ANKS1B: variants seen among roughly 807,000 people sequenced by gnomAD.
ANKS1B encodes ankyrin repeat and sterile alpha motif domain-containing protein 1B.
Under a neutral mutation model 148.3 loss-of-function variants are expected in ANKS1B, and 36 were observed. The observed-to-expected ratio is 0.24, with a 90% confidence interval of 0.19 to 0.32. The LOEUF is 0.32. ANKS1B is among the 10% of genes least tolerant of loss of function. The probability of loss-of-function intolerance (pLI) is 1.00; values close to 1 mark genes in which losing one functional copy is unlikely to be tolerated. For missense variants in ANKS1B, 1,157 were observed against 1,542.6 expected (o/e 0.75, Z 4.19); for synonymous variants, 542 against 560.8 (o/e 0.97, Z 0.47).
chr12:99,779,335 T>C (rs550416674), intron 6 of ANKS1B, among the ~76,000 whole-genome samples: 1 of 152,348 alleles, frequency 6.6e-6, no homozygotes, highest in South Asian at 2.1e-4. Context: ...CTAAATACAA[T>C]TTTTGTTATT....
intron 12 of ANKS1B, among the ~76,000 whole-genome samples, chr12:99,367,012 C>T (rs1328796730): frequency 6.6e-6 from 1 of 152,134 alleles, no homozygotes; most frequent in Non-Finnish European, 1.5e-5. Context: ...GTTATGGGGG[C>T]TGTTTTCTGC....
chr12:99,553,902 G>A (rs1453938526), intron 9 of ANKS1B, among the ~76,000 whole-genome samples: 1 of 152,156 alleles, frequency 6.6e-6, no homozygotes, highest in African/African-American at 2.4e-5. Context: ...CTGGTTCAAG[G>A]TTGAACAAAT....
At chr12:98,812,085 G>T (rs1331444835) in intron 19 of ANKS1B, among the ~76,000 whole-genome samples, 1 of 152,120 alleles carries the variant, frequency 6.6e-6, no homozygotes, top group Non-Finnish European at 1.5e-5. Flanking sequence ...TATAAGCTAT[G>T]TTGTAAATTT....
Position 99,837,147 on chromosome 12 carries a change from A to G in ANKS1B, c.135-11758T>C, listed in dbSNP as rs558171332. Among the ~76,000 whole-genome samples the G allele has an allele frequency of 5.9e-5, 9 of 152,300 alleles. No homozygotes were observed. In the South Asian group the frequency reaches 1.7e-3, roughly 28 times the overall value. ...CACAGTCAAAAAGACTCAACTGGCC[A>G]TTGTTGGCTCTAAAGATGGAAGAGG... On this transcript the variant is annotated intron_variant, in intron 1 of 26. Coordinates refer to ENST00000683438, the MANE Select transcript of ANKS1B (RefSeq NM_001352186.2).
At chr12:99,712,836 G>A (rs1227285216) in intron 8 of ANKS1B, among the ~76,000 whole-genome samples, 2 of 152,186 alleles carry the variant, frequency 1.3e-5, no homozygotes, top group Admixed American at 6.5e-5. Flanking sequence ...TCAAAACCCA[G>A]GAATAATCCT....
chr12:99,715,325 T>C (rs2057169302), intron 8 of ANKS1B, among the ~76,000 whole-genome samples: 1 of 152,072 alleles, frequency 6.6e-6, no homozygotes, highest in South Asian at 2.1e-4. Context: ...CTGATGACAT[T>C]GTCTTGTGAA....
At chr12:99,857,316 G>C (rs2089307230) in intron 1 of ANKS1B, among the ~76,000 whole-genome samples, 3 of 151,970 alleles carry the variant, frequency 2.0e-5, no homozygotes, top group Admixed American at 2.0e-4. Flanking sequence ...AAATATTTAG[G>C]AATATATCTA....
intron 17 of ANKS1B, among the ~76,000 whole-genome samples, chr12:98,840,771 C>G (rs1435260138): frequency 2.0e-5 from 3 of 152,132 alleles, no homozygotes; most frequent in African/African-American, 7.2e-5. Context: ...ACACACAAAA[C>G]AAAACAATAA....
rs370857411 is a variant in ANKS1B, at chr12:99,773,018, C to T, written c.1032G>A (p.Ser344=). ...ATATTGTGTGGCACAAGTCTTCAAA[C>T]GAATAATCCTTTTCTTGACAGAGTT... ...EIKLCQEKDY[S]FEDLCHTISD... The change falls in exon 8 of 27, where the codon TCG becomes TCA. Residue 344 remains serine (S), a synonymous_variant. Transcript: ENST00000683438. The T allele has an allele frequency of 5.0e-5, 81 of 1,610,828 alleles. 1 individual carries two copies. The highest frequency in any genetic ancestry group is 1.7e-4 in the Middle Eastern group (1 of 6,044).
At chr12:99,209,930 G>C (rs1011519603) in intron 14 of ANKS1B, among the ~76,000 whole-genome samples, 2 of 151,966 alleles carry the variant, frequency 1.3e-5, no homozygotes, top group Non-Finnish European at 2.9e-5. Flanking sequence ...CCTCTGACCA[G>C]AGACATTCCA....
Position 99,875,092 on chromosome 12 carries a change from T to C in ANKS1B, c.135-49703A>G, listed in dbSNP as rs142338605. Among the ~76,000 whole-genome samples the C allele has an allele frequency of 1.2e-3, 177 of 152,230 alleles. 1 individual carries two copies. Among genetic ancestry groups the C allele is most frequent in the African/African-American group, 3.7e-3 (153 of 41,548 alleles). On this transcript the variant is annotated intron_variant, in intron 1 of 26. Transcript: ENST00000683438. ...GGAAGAATAAAGTTGCTGCATGAAG[T>C]TGCTACCTAAAGAGACTATTTTAAA... is the stretch of plus-strand genomic sequence containing the variant.
chr12:98,982,715 T>A (rs1034726252), intron 17 of ANKS1B, among the ~76,000 whole-genome samples: 2 of 152,246 alleles, frequency 1.3e-5, no homozygotes, highest in Non-Finnish European at 2.9e-5. Flanking sequence ...ATTCATATCA[T>A]TGTAATCATA....
At position 98,751,605 on chromosome 12, in the gene ANKS1B, T is replaced by C; in HGVS notation, c.3580-83A>G. On this transcript the variant is annotated intron_variant, in intron 25 of 26. Coordinates refer to ENST00000683438, the MANE Select transcript of ANKS1B (RefSeq NM_001352186.2). This position sits in a 1 kb window ranked among gnomAD's most constrained non-coding sequence, Gnocchi z 4.3. ...AATGGCTGAGGAACACTGAGGGAGGTGAACTAGGGAGGAACTTGAACTACT... is the reference window on the plus strand; with the variant it reads ...AATGGCTGAGGAACACTGAGGGAGGCGAACTAGGGAGGAACTTGAACTACT... 1 of 1,355,708 alleles carries C rather than the reference T, an allele frequency of 7.4e-7. No homozygotes were observed. Among genetic ancestry groups the C allele is most frequent in the Non-Finnish European group, 1.0e-6 (1 of 968,800 alleles). The allele number at this position is 1,355,708 out of a possible 1,614,324, so 84.0% of individuals were successfully genotyped here.
chr12:99,560,107 C>T (rs2097317174), intron 9 of ANKS1B, among the ~76,000 whole-genome samples: 2 of 152,014 alleles, frequency 1.3e-5, no homozygotes, highest in Admixed American at 1.3e-4. Context: ...ACCTGGGGTA[C>T]TAATTTGGTT....
At chr12:99,905,771 A>G (rs981456163) in intron 1 of ANKS1B, among the ~76,000 whole-genome samples, 6 of 152,130 alleles carry the variant, frequency 3.9e-5, no homozygotes, top group Admixed American at 3.9e-4. Flanking sequence ...TCCTCTTCTT[A>G]TAGAGATACC....
intron 17 of ANKS1B, among the ~76,000 whole-genome samples, chr12:98,835,895 C>T (rs1788321415): frequency 6.6e-6 from 1 of 152,202 alleles, no homozygotes; most frequent in African/African-American, 2.4e-5. Context: ...ATTTTCTATA[C>T]TCTAGTTCTA....
chr12:99,472,833 T>C (rs180902194), intron 10 of ANKS1B, among the ~76,000 whole-genome samples: 30 of 152,188 alleles, frequency 2.0e-4, no homozygotes, highest in Non-Finnish European at 4.3e-4. Flanking sequence ...CTTTTAACCA[T>C]GTCAAATTGT....
intron 16 of ANKS1B, among the ~76,000 whole-genome samples, chr12:99,080,549 GGT>G (rs1266802049): frequency 1.3e-5 from 2 of 152,228 alleles, no homozygotes; most frequent in African/African-American, 2.4e-5. Flanking sequence ...TGTCAACTCA[GGT>G]TGAGGGATAT....
chr12:99,484,292 G>A (rs545207284), intron 10 of ANKS1B, among the ~76,000 whole-genome samples: 36 of 151,854 alleles, frequency 2.4e-4, no homozygotes, highest in South Asian at 4.1e-4. Flanking sequence ...ATTTCCATGC[G>A]TTTTTATAGT....
Sources: gnomAD v4.1 joint callset for allele counts (sites outside exome capture counted in the v4.1 genomes callset) on GRCh38, gnomAD v4.1.1 for gene constraint, Gnocchi (gnomAD v3.1) non-coding constraint, MANE v1.5 for transcripts, NCBI Gene and HGNC (gene_info 2026-07-23, HGNC 2026-07-21) for gene names.